Variants in DHX35 observed in about 807,000 individuals in gnomAD.
DHX35 encodes DEAH-box helicase 35.
Under a neutral mutation model 99.6 loss-of-function variants are expected in DHX35, and 84 were observed. That is an observed-to-expected ratio of 0.84 (90% CI 0.71 to 1.01). DHX35 has a LOEUF of 1.01. Ranked by LOEUF, DHX35 falls within the 50% of genes least tolerant of loss-of-function variation. The pLI, the probability that DHX35 is intolerant of heterozygous loss-of-function variation, is 0.00. For synonymous variants in DHX35, 331 were observed against 316.2 expected, an observed-to-expected ratio of 1.05 and a Z score of -0.50; for missense variants, 852 against 888.5, an observed-to-expected ratio of 0.96 and a Z score of 0.52.
At chr20:39,030,648 A>G in intron 19 of DHX35, 56 bp from the exon 20 acceptor site, 6 of 1,495,874 alleles carry the variant, frequency 4.0e-6, no homozygotes, top group South Asian at 2.3e-5. Context: ...TCTGTGGGAA[A>G]GTCTTGCTAT....
intron 3 of DHX35, among the ~76,000 whole-genome samples, chr20:38,982,478 T>C (rs907966874): frequency 1.3e-5 from 2 of 152,206 alleles, no homozygotes; most frequent in Non-Finnish European, 2.9e-5. Flanking sequence ...ATATTTCCTT[T>C]AGGTTTCCCT....
At chr20:38,962,445 C>G (rs1399571170) in intron 1 of DHX35, 38 bp downstream of exon 1, 1 of 1,605,602 alleles carries the variant, frequency 6.2e-7, no homozygotes, top group South Asian at 1.1e-5. Context: ...GATGCGGCGG[C>G]CTGACTTCGG....
At chr20:38,994,954 C>T (rs1409051494) in intron 8 of DHX35, 74 bp downstream of exon 8, 1 of 1,283,570 alleles carries the variant, frequency 7.8e-7, no homozygotes, top group African/African-American at 1.5e-5. Flanking sequence ...GAAGTTACCT[C>T]TAGCAAGAGC....
intron 17 of DHX35, 114 bp from the exon 18 acceptor site, chr20:39,025,116 G>T: frequency 7.9e-7 from 1 of 1,273,866 alleles, no homozygotes. Flanking sequence ...CCCATCTTTA[G>T]ATCTTATGCC....
intron 16 of DHX35, among the ~76,000 whole-genome samples, chr20:39,023,472 C>G (rs1373662377): frequency 6.6e-6 from 1 of 151,764 alleles, no homozygotes; most frequent in Admixed American, 6.6e-5. Context: ...CCACCTCAGC[C>G]TAGTAGCTGG....
At chr20:39,005,340 C>T (rs2086597668) in intron 11 of DHX35, among the ~76,000 whole-genome samples, 1 of 152,122 alleles carries the variant, frequency 6.6e-6, no homozygotes, top group Admixed American at 6.6e-5. Flanking sequence ...TCATCTTGTA[C>T]TTTGTATTTT....
chr20:39,006,015 T>C, intron 11 of DHX35, 131 bp from the exon 12 acceptor site: 1 of 1,040,454 alleles, frequency 9.6e-7, no homozygotes, highest in Non-Finnish European at 1.4e-6. Flanking sequence ...CTCACAGTCT[T>C]TCTAGTATAT....
intron 1 of DHX35, among the ~76,000 whole-genome samples, chr20:38,963,573 A>C (rs1323135524): frequency 6.6e-6 from 1 of 152,246 alleles, no homozygotes; most frequent in Non-Finnish European, 1.5e-5. Flanking sequence ...AGTAATGAAT[A>C]CTTTTAATTT....
intron 5 of DHX35, among the ~76,000 whole-genome samples, chr20:38,990,649 A>G (rs1193540694): frequency 4.6e-5 from 7 of 152,220 alleles, no homozygotes; most frequent in Non-Finnish European, 8.8e-5. Context: ...ACATTGTTTT[A>G]GTCATTCTAA....
intron 3 of DHX35, among the ~76,000 whole-genome samples, chr20:38,979,036 G>C (rs1376632540): frequency 6.6e-6 from 1 of 152,046 alleles, no homozygotes; most frequent in African/African-American, 2.4e-5. Context: ...TTTCTGTTCT[G>C]TTCCATTGGT....
chr20:38,994,903 C>T, intron 8 of DHX35, 23 bp downstream of exon 8: 2 of 1,609,174 alleles, frequency 1.2e-6, no homozygotes, highest in East Asian at 2.2e-5. Flanking sequence ...CCTCCCCTTT[C>T]CTCCTCTCCT....
In DHX35 at chr20:38,988,803, C is replaced by T. The variant is rs754385619; in HGVS notation, c.346-10C>T. ...TGTCTCTATTTTCAGCATGATCTTTCTTCCCAAAGGTTGCAGGGAGAGTAG... is the reference window on the plus strand; with the variant it reads ...TGTCTCTATTTTCAGCATGATCTTTTTTCCCAAAGGTTGCAGGGAGAGTAG... On this transcript the variant is annotated splice_polypyrimidine_tract_variant and intron_variant, in intron 4 of 21. Coordinates refer to ENST00000252011, the MANE Select transcript of DHX35 (RefSeq NM_021931.4). 6.2e-7 allele frequency: 1 copy of T among 1,613,388 alleles called. No homozygotes were observed. The highest frequency in any genetic ancestry group is 8.5e-7 in the Non-Finnish European group (1 of 1,179,636).
chr20:38,990,718 T>C (rs775802984), intron 5 of DHX35, among the ~76,000 whole-genome samples: 8 of 152,250 alleles, frequency 5.3e-5, no homozygotes, highest in Admixed American at 1.3e-4. Context: ...ATGCAAATAC[T>C]ATGCCATCTT....
chr20:39,003,785 C>G lies in DHX35; in HGVS notation c.889C>G (p.Gln297Glu), dbSNP rs1388362301. ...VETVVSMLIE[Q>E]ARALARTGMK... The stretch of plus-strand genomic sequence containing the variant: ...AACTGTTGTGTCGATGCTCATCGAG[C>G]AGGCTCGAGCACTAGCTCGCACTGG... Residue 297 changes from glutamine to glutamate, a missense_variant, in exon 11 of 22, where the codon CAG (glutamine) becomes GAG (glutamate). Transcript: ENST00000252011. 6.2e-7 allele frequency: 1 copy of G among 1,614,166 alleles called. No individual in the cohort carries two copies. Among genetic ancestry groups the G allele is most frequent in the African/African-American group, 1.3e-5 (1 of 75,068 alleles).
At chr20:39,028,275 G>T (rs1192055758) in intron 18 of DHX35, 143 bp from the exon 19 acceptor site, 7 of 766,926 alleles carry the variant, frequency 9.1e-6, no homozygotes, top group Non-Finnish European at 1.6e-5. Flanking sequence ...GGGAAGGGTA[G>T]GGCTGGAGCC....
At chr20:38,991,928 G>T (rs140882734) in intron 6 of DHX35, among the ~76,000 whole-genome samples, 1 of 152,228 alleles carries the variant, frequency 6.6e-6, no homozygotes, top group East Asian at 1.9e-4. Context: ...TGGTGTTCTC[G>T]AGGAGAGTGT....
chr20:39,000,987 G>T lies in DHX35; in HGVS notation c.643-743G>T, dbSNP rs545629345. Among the ~76,000 whole-genome samples the T allele has an allele frequency of 5.3e-5, 8 of 152,224 alleles. No individual in the cohort carries two copies. The South Asian group carries it at 1.7e-3, about 32-fold the overall frequency. On this transcript the variant is annotated intron_variant, in intron 8 of 21. Coordinates refer to ENST00000252011, the MANE Select transcript of DHX35 (RefSeq NM_021931.4). ...ATTCCCCAAGAGAGGATCTTTGGTG[G>T]CGTTTCCTTCCCCCATCATTGGCTG...
chr20:39,002,652 A>AT lies in DHX35; in HGVS notation c.756-118dup, dbSNP rs139181708. 4,374 of 703,784 alleles carry AT rather than the reference A, an allele frequency of 6.2e-3. 147 individuals are homozygous for AT. The African/African-American group carries it at 0.07, about 11-fold the overall frequency. 43.6% of individuals were successfully genotyped at this position (703,784 alleles called of 1,614,324 possible). ...TATTTATTTTGTTTATCCTGTACTA[A>AT]TTACCTACTGGGCAGGCCCAAACTC... is the stretch of plus-strand genomic sequence containing the variant. On this transcript the variant is annotated intron_variant, in intron 9 of 21. Coordinates refer to ENST00000252011, the MANE Select transcript of DHX35 (RefSeq NM_021931.4).
intron 16 of DHX35, among the ~76,000 whole-genome samples, chr20:39,023,475 G>C (rs1477696954): frequency 2.0e-5 from 3 of 151,812 alleles, no homozygotes; most frequent in Non-Finnish European, 4.4e-5. Flanking sequence ...CCTCAGCCTA[G>C]TAGCTGGGGC....
Sources: allele counts gnomAD v4.1 joint callset (sites outside exome capture counted in the v4.1 genomes callset), GRCh38; gene constraint gnomAD v4.1.1; transcripts MANE v1.5; gene names NCBI Gene and HGNC (gene_info 2026-07-23, HGNC 2026-07-21).